The following SPECC1L variants were observed in gnomAD, a reference collection of about 807,000 sequenced individuals.
SPECC1L encodes sperm antigen with calponin homology and coiled-coil domains 1 like, also known as cytospin-A.
A neutral mutation model predicts 116.8 loss-of-function variants in SPECC1L; 40 were observed. That is an observed-to-expected ratio of 0.34 (90% CI 0.27 to 0.45). The LOEUF is 0.45. Among genes scored for constraint, SPECC1L ranks in the 20% least tolerant of loss-of-function variants. The probability of loss-of-function intolerance (pLI) is 1.00; values close to 1 mark genes in which losing one functional copy is unlikely to be tolerated. For missense variants in SPECC1L, 1,110 were observed against 1,373.6 expected, an observed-to-expected ratio of 0.81 and a Z score of 3.03; for synonymous variants, 504 against 500.6, an observed-to-expected ratio of 1.01 and a Z score of -0.09.
chr22:24,354,324 C>T (rs941197205), intron 11 of SPECC1L, among the ~76,000 whole-genome samples: 3 of 152,204 alleles, frequency 2.0e-5, no homozygotes, highest in Admixed American at 2.0e-4. Context: ...TTGCCCACAA[C>T]AGTTATTACC....
At chr22:24,403,638 G>C (rs543393128) in intron 14 of SPECC1L, among the ~76,000 whole-genome samples, 1 of 152,208 alleles carries the variant, frequency 6.6e-6, no homozygotes, top group Non-Finnish European at 1.5e-5. Context: ...CTTCAGCAAA[G>C]TGTAAATGGC....
chr22:24,279,914 A>T (rs1344684948), intron 2 of SPECC1L, among the ~76,000 whole-genome samples: 1 of 152,230 alleles, frequency 6.6e-6, no homozygotes, highest in African/African-American at 2.4e-5. Flanking sequence ...AGTTTGTGAC[A>T]GTCTCTACAT....
intron 14 of SPECC1L, among the ~76,000 whole-genome samples, chr22:24,383,790 C>CTTTTTTTTTTTTTT (rs2042104560): frequency 1.3e-5 from 1 of 77,160 alleles, no homozygotes; most frequent in Non-Finnish European, 2.5e-5. Flanking sequence ...GCACCCACCA[C>CTTTTTTTTTTTTTT]TATTTTTTTT....
At chr22:24,319,361 TG>T (rs2040672082) in intron 4 of SPECC1L, among the ~76,000 whole-genome samples, 1 of 152,220 alleles carries the variant, frequency 6.6e-6, no homozygotes, top group South Asian at 2.1e-4. Context: ...TACCATCGGC[TG>T]TCATGAGAAC....
At chr22:24,285,113 T>A (rs1294591159) in intron 2 of SPECC1L, among the ~76,000 whole-genome samples, 2 of 152,198 alleles carry the variant, frequency 1.3e-5, no homozygotes, top group Non-Finnish European at 2.9e-5. Flanking sequence ...AAGTTTGTAG[T>A]TGTCTAGAAG....
intron 14 of SPECC1L, among the ~76,000 whole-genome samples, chr22:24,384,479 T>G (rs1050173897): frequency 6.6e-6 from 1 of 152,210 alleles, no homozygotes; most frequent in African/African-American, 2.4e-5. Context: ...TAAAAATATC[T>G]TGTTTAAAGA....
intron 13 of SPECC1L, among the ~76,000 whole-genome samples, chr22:24,368,973 C>T (rs895258769): frequency 2.6e-5 from 4 of 152,166 alleles, no homozygotes; most frequent in Non-Finnish European, 2.9e-5. Context: ...GCACTTTGTA[C>T]TGTCTTTGCC....
intron 2 of SPECC1L, among the ~76,000 whole-genome samples, chr22:24,281,045 A>G (rs2048933211): frequency 6.6e-6 from 1 of 152,222 alleles, no homozygotes; most frequent in South Asian, 2.1e-4. Flanking sequence ...GACTGGTTAT[A>G]GGGCCTGGGA....
intron 14 of SPECC1L, among the ~76,000 whole-genome samples, chr22:24,385,949 C>G (rs1245399922): frequency 6.6e-6 from 1 of 152,154 alleles, no homozygotes; most frequent in Non-Finnish European, 1.5e-5. Flanking sequence ...CACATTCCTT[C>G]TAATTGGCCA....
At chr22:24,279,037 A>G (rs2048890990) in intron 2 of SPECC1L, among the ~76,000 whole-genome samples, 1 of 152,212 alleles carries the variant, frequency 6.6e-6, no homozygotes, top group Non-Finnish European at 1.5e-5. Context: ...ATGTGTTGAA[A>G]GGTTCCGAAG....
intron 11 of SPECC1L, among the ~76,000 whole-genome samples, chr22:24,354,408 ACAT>A (rs1192538084): frequency 1.3e-5 from 2 of 152,170 alleles, no homozygotes; most frequent in Non-Finnish European, 2.9e-5. Context: ...TATTCTATTG[ACAT>A]CATTCATTTA....
intron 2 of SPECC1L, among the ~76,000 whole-genome samples, chr22:24,294,464 C>A (rs564949828): frequency 2.6e-5 from 4 of 151,296 alleles, no homozygotes; most frequent in Admixed American, 1.3e-4. Context: ...TCATTGCAAC[C>A]TCTGCCTCCC....
intron 9 of SPECC1L, 32 bp from the exon 10 acceptor site, chr22:24,338,354 A>G (rs202028486): frequency 1.9e-6 from 3 of 1,607,378 alleles, no homozygotes; most frequent in East Asian, 4.5e-5. Context: ...GTACAGTGAC[A>G]TTATTTCCCT....
chr22:24,336,334 T>C (rs2041054988), intron 9 of SPECC1L, among the ~76,000 whole-genome samples: 2 of 152,056 alleles, frequency 1.3e-5, no homozygotes, highest in African/African-American at 4.8e-5. Context: ...TTTTTTAAGG[T>C]ACTTAGATAA....
intron 14 of SPECC1L, among the ~76,000 whole-genome samples, chr22:24,380,558 A>C (rs1192637437): frequency 2.6e-5 from 4 of 152,214 alleles, no homozygotes; most frequent in African/African-American, 9.6e-5. Flanking sequence ...CCCTAAAATT[A>C]CTGTGCTGAT....
intron 14 of SPECC1L, 110 bp from the exon 15 acceptor site, chr22:24,411,478 T>C (rs1180677872): frequency 1.0e-6 from 1 of 998,088 alleles, no homozygotes; most frequent in Admixed American, 1.7e-5. Context: ...CTGGTTTTGG[T>C]TTTGTGTTTT....
At chr22:24,335,395 A>G (rs1011742645) in intron 9 of SPECC1L, among the ~76,000 whole-genome samples, 1 of 151,954 alleles carries the variant, frequency 6.6e-6, no homozygotes, top group African/African-American at 2.4e-5. Flanking sequence ...CTCTTCCCCC[A>G]CTCACTATAG....
rs371108629 is a variant in SPECC1L at position 24,313,430 on chromosome 22, A to G, written c.271A>G (p.Met91Val). The G allele has an allele frequency of 1.5e-5, 25 of 1,614,050 alleles. No individual in the cohort carries two copies. The highest frequency in any genetic ancestry group is 5.3e-5 in the African/African-American group (4 of 74,934). The change falls in exon 4 of 17, where the codon ATG becomes GTG. Residue 91 changes from methionine to valine, a missense_variant. Around this residue, in one of 4 missense-constraint regions of SPECC1L, gnomAD observed 437 missense variants for 482.6 expected, o/e 0.91. Coordinates refer to ENST00000314328, the MANE Select transcript of SPECC1L (RefSeq NM_015330.6). ...AGCACCTTCAGCATCTGCCCCTGCC[A>G]TGACCACCGTGGAGAACAAATCCAA... ...SAAPSASAPAMTTVENKSKIS... is the reference protein window; with the variant it reads ...SAAPSASAPAVTTVENKSKIS...
At chr22:24,358,734 C>T (rs1447099518) in intron 11 of SPECC1L, among the ~76,000 whole-genome samples, 5 of 152,120 alleles carry the variant, frequency 3.3e-5, no homozygotes, top group East Asian at 3.8e-4. Flanking sequence ...ACTGGGTTTT[C>T]GACCAAATTT....
Sources: gnomAD v4.1 joint callset for allele counts (sites outside exome capture counted in the v4.1 genomes callset) on GRCh38, gnomAD v4.1.1 for gene constraint, gnomAD v4.1.1 regional missense constraint, MANE v1.5 for transcripts, NCBI Gene and HGNC (gene_info 2026-07-23, HGNC 2026-07-21) for gene names.